Variants in NAV2 observed in about 807,000 individuals in gnomAD.
The protein encoded by NAV2 is neuron navigator 2, also known as helicase, APC down-regulated 1.
A neutral mutation model predicts 223.2 loss-of-function variants in NAV2; 54 were observed. The ratio of observed to expected loss-of-function variants is 0.24; its 90% CI spans 0.19 to 0.30. The LOEUF (loss-of-function observed/expected upper bound fraction) is 0.30. NAV2 is among the 10% of genes least tolerant of loss of function. The pLI is 1.00. For missense variants in NAV2, 2,806 were observed against 3,147.5 expected, an observed-to-expected ratio of 0.89 and a Z score of 2.60; for synonymous variants, 1,279 against 1,239.3, an observed-to-expected ratio of 1.03 and a Z score of -0.67.
chr11:20,101,817 C>A (rs945424167), intron 32 of NAV2, among the ~76,000 whole-genome samples: 16 of 152,130 alleles, frequency 1.1e-4, no homozygotes, highest in African/African-American at 3.4e-4. Flanking sequence ...TGGTCCCAGC[C>A]GAGAGTTGGA....
At chr11:19,811,993 GA>G (rs2058858210) in intron 1 of NAV2, among the ~76,000 whole-genome samples, 1 of 152,098 alleles carries the variant, frequency 6.6e-6, no homozygotes, top group South Asian at 2.1e-4. Context: ...TAGTATGCAT[GA>G]GGACCACCAG....
intron 1 of NAV2, among the ~76,000 whole-genome samples, chr11:19,738,241 C>A (rs1473600865): frequency 6.6e-6 from 1 of 152,206 alleles, no homozygotes; most frequent in Non-Finnish European, 1.5e-5. Context: ...AGAGTCGGGT[C>A]CCTTTCCTCC....
Position 19,388,857 on chromosome 11 carries a change from C to A in NAV2, c.75+37830C>A, listed in dbSNP as rs919298455. Among the ~76,000 whole-genome samples, 10 of 152,168 alleles carry A rather than the reference C, an allele frequency of 6.6e-5. No homozygotes were observed. The South Asian group carries it at 2.1e-3, about 32-fold the overall frequency. ...ATCCCATCAAACAGGTGGTGTTCTCCCCATTTACAGATGAGGAGGCTGAGG... is the reference window on the plus strand; with the variant it reads ...ATCCCATCAAACAGGTGGTGTTCTCACCATTTACAGATGAGGAGGCTGAGG... On this transcript the variant is annotated intron_variant, in intron 1 of 37. Transcript: ENST00000360655.
chr11:20,002,693 T>A (rs573339321), intron 11 of NAV2, among the ~76,000 whole-genome samples: 1 of 152,216 alleles, frequency 6.6e-6, no homozygotes, highest in African/African-American at 2.4e-5. Flanking sequence ...AACCACTTGT[T>A]TTCCAGGCCA....
At chr11:20,075,364 C>T (rs188420351) in intron 22 of NAV2, among the ~76,000 whole-genome samples, 131 of 152,180 alleles carry the variant, frequency 8.6e-4, no homozygotes, top group African/African-American at 2.7e-3. Flanking sequence ...GCTGGGACTA[C>T]AGGTGCCCAC....
chr11:20,017,042 G>C (rs560532827), intron 11 of NAV2, among the ~76,000 whole-genome samples: 1 of 150,732 alleles, frequency 6.6e-6, no homozygotes, highest in Non-Finnish European at 1.5e-5. Context: ...AAAAGAAAAA[G>C]AACTTTAACA....
rs189077148 is a variant in NAV2, at chr11:20,099,987, C to A, written c.6182-950C>A. On this transcript the variant is annotated intron_variant, in intron 31 of 37. Transcript: ENST00000349880. The stretch of plus-strand genomic sequence containing the variant: ...TCTGGGGGCCTTTGTCATGTTCATT[C>A]TGGAAGAGTCATTGTACACTTAGAT... Among the ~76,000 whole-genome samples the A allele has an allele frequency of 5.1e-3, 783 of 152,276 alleles. 1 individual carries two copies. Among genetic ancestry groups the A allele is most frequent in the Non-Finnish European group, 7.7e-3 (522 of 68,026 alleles).
At chr11:19,737,258 T>C (rs1428003965) in intron 1 of NAV2, among the ~76,000 whole-genome samples, 3 of 152,196 alleles carry the variant, frequency 2.0e-5, no homozygotes, top group South Asian at 2.1e-4. Context: ...AAAGAGAGCA[T>C]GGAAACCAGA....
chr11:19,551,439 A>T (rs1239631870), intron 1 of NAV2, among the ~76,000 whole-genome samples: 2 of 152,192 alleles, frequency 1.3e-5, no homozygotes, highest in Non-Finnish European at 2.9e-5. Flanking sequence ...CTCATTGCTG[A>T]GTTGTGGACC....
At chr11:19,355,206 G>C (rs1297607360) in intron 1 of NAV2, among the ~76,000 whole-genome samples, 1 of 151,306 alleles carries the variant, frequency 6.6e-6, no homozygotes, top group Admixed American at 6.6e-5. Flanking sequence ...CACAGACAGA[G>C]GTTTCCCACA....
intron 10 of NAV2, among the ~76,000 whole-genome samples, chr11:19,973,208 T>TG (rs34442199): frequency 9.9e-5 from 15 of 152,128 alleles, no homozygotes; most frequent in Admixed American, 2.0e-4. Flanking sequence ...TGTTGTTACC[T>TG]GGGGGGGTCT....
intron 1 of NAV2, among the ~76,000 whole-genome samples, chr11:19,549,898 C>T (rs2044634204): frequency 6.6e-6 from 1 of 152,222 alleles, no homozygotes; most frequent in African/African-American, 2.4e-5. Flanking sequence ...CCATGCCCTG[C>T]CCTCGGCTCT....
intron 1 of NAV2, among the ~76,000 whole-genome samples, chr11:19,624,421 C>A (rs984431894): frequency 6.6e-6 from 1 of 152,190 alleles, no homozygotes; most frequent in African/African-American, 2.4e-5. Context: ...AGCTTCCTGG[C>A]CACTTTGTTT....
At chr11:19,666,338 A>G (rs571094519) in intron 1 of NAV2, among the ~76,000 whole-genome samples, 7 of 152,352 alleles carry the variant, frequency 4.6e-5, no homozygotes, top group African/African-American at 1.7e-4. Context: ...GATGGCATAG[A>G]AAGGTCACAT....
intron 1 of NAV2, among the ~76,000 whole-genome samples, chr11:19,497,719 C>T (rs1047395891): frequency 6.6e-6 from 1 of 151,846 alleles, no homozygotes; most frequent in Non-Finnish European, 1.5e-5. Flanking sequence ...AATTTGTGAC[C>T]CTAAAGCCAC....
chr11:19,597,521 C>T (rs1486565233), intron 1 of NAV2, among the ~76,000 whole-genome samples: 2 of 152,210 alleles, frequency 1.3e-5, no homozygotes, highest in Non-Finnish European at 2.9e-5. Flanking sequence ...CATTTATTTC[C>T]TCCAACAACA....
chr11:20,034,763 C>T lies in NAV2; in HGVS notation c.2769-1196C>T, dbSNP rs1289939380. 6.6e-5 allele frequency among the ~76,000 whole-genome samples: 10 copies of T among 152,260 alleles called. No individual in the cohort carries two copies. In the East Asian group the frequency reaches 7.7e-4, roughly 12 times the overall value. On this transcript the variant is annotated intron_variant, in intron 11 of 37. Coordinates refer to ENST00000349880, the MANE Select transcript of NAV2 (RefSeq NM_145117.5). ...CAAATGAGTAAATGCAACAGGGTGA[C>T]GTGACAGAGTGTGACAGGCTTGATG...
chr11:19,445,643 A>C (rs535744590), intron 1 of NAV2, among the ~76,000 whole-genome samples: 2 of 152,314 alleles, frequency 1.3e-5, no homozygotes, highest in South Asian at 4.1e-4. Context: ...GTCAAGATGT[A>C]GCTAGGAAAA....
chr11:19,800,070 C>T (rs778940529), intron 1 of NAV2, among the ~76,000 whole-genome samples: 9 of 152,188 alleles, frequency 5.9e-5, no homozygotes, highest in Non-Finnish European at 1.2e-4. Context: ...TAAATTGACA[C>T]ACTTTGTTTG....
Sources: gnomAD v4.1 joint callset for allele counts (sites outside exome capture counted in the v4.1 genomes callset) on GRCh38, gnomAD v4.1.1 for gene constraint, MANE v1.5 for transcripts, NCBI Gene and HGNC (gene_info 2026-07-23, HGNC 2026-07-21) for gene names.